Variants in TMEM116 observed in about 807,000 individuals in gnomAD.
TMEM116 encodes the protein transmembrane protein 116.
TMEM116 carries 38 observed loss-of-function variants against 44.3 expected under a neutral mutation model. That is an observed-to-expected ratio of 0.86 (90% CI 0.66 to 1.12). The LOEUF (loss-of-function observed/expected upper bound fraction) is 1.12. TMEM116 is among the 50% of genes most tolerant of loss of function. TMEM116 has a pLI of 0.00. For synonymous variants in TMEM116, 132 were observed against 144.8 expected (o/e 0.91, Z 0.64); for missense variants, 354 against 401.7 (o/e 0.88, Z 1.01).
intron 3 of TMEM116, among the ~76,000 whole-genome samples, chr12:112,001,405 C>T (rs543940357): frequency 1.4e-4 from 21 of 152,236 alleles, no homozygotes; most frequent in Admixed American, 3.9e-4. Context: ...CCTTGAACTC[C>T]TGTGCTCAAG....
Position 111,995,716 on chromosome 12 carries a change from C to T in TMEM116, c.79-3827G>A, listed in dbSNP as rs141008494. 1.7e-4 allele frequency among the ~76,000 whole-genome samples: 26 copies of T among 151,776 alleles called. No homozygotes were observed. The East Asian group carries it at 4.1e-3, about 24-fold the overall frequency. On this transcript the variant is annotated intron_variant, in intron 3 of 10. Transcript: ENST00000552374. ...TCATGCCACTGCACTCCAGCCTGAG[C>T]GACAGAGTGAGACTCCATCTAATCA...
At chr12:111,951,757 C>T (rs905720374) in intron 4 of TMEM116, among the ~76,000 whole-genome samples, 1 of 151,996 alleles carries the variant, frequency 6.6e-6, no homozygotes, top group South Asian at 2.1e-4. Flanking sequence ...TACAACAAAC[C>T]CCCATGACAC....
At chr12:111,973,892 C>G (rs763387970) in intron 4 of TMEM116, among the ~76,000 whole-genome samples, 1 of 151,498 alleles carries the variant, frequency 6.6e-6, no homozygotes, top group Admixed American at 6.6e-5. Context: ...CCAAGCTGGG[C>G]AACAAAAGCG....
At chr12:112,005,028 C>G (rs2077503180) in intron 2 of TMEM116, among the ~76,000 whole-genome samples, 1 of 152,214 alleles carries the variant, frequency 6.6e-6, no homozygotes, top group Non-Finnish European at 1.5e-5. Context: ...ACTGATCCTG[C>G]TGACCAGGTT....
intron 5 of TMEM116, among the ~76,000 whole-genome samples, chr12:111,942,948 G>T (rs954629191): frequency 1.3e-5 from 2 of 151,812 alleles, no homozygotes; most frequent in Non-Finnish European, 2.9e-5. Context: ...GATATACAGG[G>T]ATTGTTTTTA....
intron 4 of TMEM116, among the ~76,000 whole-genome samples, chr12:111,982,262 T>C (rs976789158): frequency 6.6e-6 from 1 of 152,116 alleles, no homozygotes; most frequent in African/African-American, 2.4e-5. Flanking sequence ...CCAAAATATA[T>C]ACATATATTA....
At chr12:111,932,828 A>G (rs1286599390) in intron 9 of TMEM116, 169 bp from the exon 10 acceptor site, 1 of 602,850 alleles carries the variant, frequency 1.7e-6, no homozygotes, top group Non-Finnish European at 3.0e-6. Context: ...TCCAACTTCT[A>G]GTCTTTACTG....
At chr12:111,960,491 CAAAAAAAAAAAA>C (rs545322547) in intron 4 of TMEM116, among the ~76,000 whole-genome samples, 2 of 28,588 alleles carry the variant, frequency 7.0e-5, no homozygotes, top group East Asian at 1.0e-3. Flanking sequence ...GACTCCGTCT[CAAAAAAAAAAAA>C]AAAAAAAAAA....
intron 1 of TMEM116, chr12:112,010,778 G>A (rs2077802381): frequency 6.6e-6 from 1 of 152,324 alleles, no homozygotes; most frequent in Admixed American, 6.5e-5. Flanking sequence ...TTGGTCCTCT[G>A]GCAGTCCTCT....
chr12:111,970,629 C>G, intron 4 of TMEM116, among the ~76,000 whole-genome samples: 1 of 150,526 alleles, frequency 6.6e-6, no homozygotes, highest in Non-Finnish European at 1.5e-5. Flanking sequence ...CTCTGTCACC[C>G]AGGCTGGAGT....
At chr12:111,993,185 A>G (rs1250147211) in intron 3 of TMEM116, 6 of 368,280 alleles carry the variant, frequency 1.6e-5, no homozygotes, top group Non-Finnish European at 3.3e-5. Flanking sequence ...AGTATTATGC[A>G]TTGTGTGGCT....
chr12:111,990,246 C>T (rs2076476592), intron 4 of TMEM116, among the ~76,000 whole-genome samples: 1 of 142,496 alleles, frequency 7.0e-6, no homozygotes, highest in South Asian at 2.3e-4. Context: ...CAGAGCGAGA[C>T]TCCGCCTCAA....
chr12:112,005,233 T>C, intron 2 of TMEM116, 24 bp downstream of exon 2: 3 of 1,368,814 alleles, frequency 2.2e-6, no homozygotes, highest in Non-Finnish European at 1.9e-6. Context: ...ACTAGTTTAG[T>C]TATATGAGAT....
intron 4 of TMEM116, among the ~76,000 whole-genome samples, chr12:111,956,696 G>A (rs1011336871): frequency 7.2e-5 from 11 of 152,284 alleles, no homozygotes; most frequent in Admixed American, 5.9e-4. Context: ...GTATTTTTTG[G>A]TGGAGACGGG....
chr12:111,936,959 C>A, intron 7 of TMEM116, 129 bp from the exon 8 acceptor site: 1 of 1,067,736 alleles, frequency 9.4e-7, no homozygotes, highest in East Asian at 2.5e-5. Flanking sequence ...TTGTCTCTCC[C>A]CCACAGACAC....
chr12:111,970,586 GTTTT>G (rs200011351), intron 4 of TMEM116, among the ~76,000 whole-genome samples: 1 of 133,470 alleles, frequency 7.5e-6, no homozygotes, highest in African/African-American at 2.8e-5. Flanking sequence ...AATCAAATGG[GTTTT>G]TTTTTTTTTT....
At chr12:112,013,213 A>AT, upstream of TMEM116, 1 of 430,780 alleles carries the variant, frequency 2.3e-6, no homozygotes, top group Non-Finnish European at 4.1e-6. Flanking sequence ...GCAGGAGCCC[A>AT]TTTTCCCGCC....
chr12:111,950,661 C>T (rs547593378), intron 4 of TMEM116, among the ~76,000 whole-genome samples: 4 of 152,154 alleles, frequency 2.6e-5, no homozygotes, highest in African/African-American at 9.6e-5. Flanking sequence ...CCTTTCCTTA[C>T]ACCATATATA....
chr12:111,950,413 G>C (rs1466379295), intron 4 of TMEM116, among the ~76,000 whole-genome samples: 1 of 147,782 alleles, frequency 6.8e-6, no homozygotes, highest in Non-Finnish European at 1.5e-5. Flanking sequence ...GAACATTGGT[G>C]TAATTAAAAT....
Sources: gnomAD v4.1 joint callset for allele counts (sites outside exome capture counted in the v4.1 genomes callset) on GRCh38, gnomAD v4.1.1 for gene constraint, MANE v1.5 for transcripts, NCBI Gene and HGNC (gene_info 2026-07-23, HGNC 2026-07-21) for gene names.